GALNT13: variants seen among roughly 807,000 people sequenced by gnomAD.
GALNT13 encodes the protein UDP-GalNAc:polypeptide N-acetylgalactosaminyltransferase 13.
A neutral mutation model predicts 64.2 loss-of-function variants in GALNT13; 28 were observed. The ratio of observed to expected loss-of-function variants is 0.44; its 90% CI spans 0.32 to 0.60. GALNT13 has a LOEUF of 0.60. Among genes scored for constraint, GALNT13 ranks in the 20% least tolerant of loss-of-function variants. The pLI, the probability that GALNT13 is intolerant of heterozygous loss-of-function variation, is 0.05. For synonymous variants in GALNT13, 214 were observed against 224.6 expected (o/e 0.95, Z 0.42); for missense variants, 577 against 669.8 (o/e 0.86, Z 1.53).
intron 3 of GALNT13, among the ~76,000 whole-genome samples, chr2:154,015,036 G>A (rs1374263422): frequency 6.6e-6 from 1 of 151,970 alleles, no homozygotes; most frequent in Non-Finnish European, 1.5e-5. Flanking sequence ...AACAAAACAT[G>A]CATATTATCT....
At chr2:154,339,484 C>G (rs1474040459) in intron 9 of GALNT13, among the ~76,000 whole-genome samples, 1 of 151,942 alleles carries the variant, frequency 6.6e-6, no homozygotes, top group Non-Finnish European at 1.5e-5. Flanking sequence ...ACTGTGTTGG[C>G]CAAATGTGAT....
the GALNT13 span, among the ~76,000 whole-genome samples, chr2:153,165,499 G>A: frequency 8.5e-5 from 13 of 152,208 alleles, no homozygotes; most frequent in African/African-American, 2.4e-4. Flanking sequence ...TTAGTCTTAC[G>A]AAAAAGCAAA....
At chr2:154,327,201 C>T (rs149003659) in intron 9 of GALNT13, among the ~76,000 whole-genome samples, 111 of 152,174 alleles carry the variant, frequency 7.3e-4, no homozygotes, top group African/African-American at 2.2e-3. Context: ...CTTTGTTCGG[C>T]ATTTCTCCTT....
chr2:153,408,419 A>C, the GALNT13 span, among the ~76,000 whole-genome samples: 1 of 152,210 alleles, frequency 6.6e-6, no homozygotes, highest in African/African-American at 2.4e-5. Flanking sequence ...CCCACGAAGA[A>C]GTATAGAAGG....
the GALNT13 span, among the ~76,000 whole-genome samples, chr2:153,306,820 C>A: frequency 6.6e-6 from 1 of 152,138 alleles, no homozygotes; most frequent in Non-Finnish European, 1.5e-5. Flanking sequence ...GTGGCGTGAT[C>A]TCTGCTTCCT....
intron 1 of GALNT13, among the ~76,000 whole-genome samples, chr2:153,877,907 A>G (rs1166093140): frequency 6.6e-6 from 1 of 152,178 alleles, no homozygotes; most frequent in Admixed American, 6.5e-5. Flanking sequence ...TTATCTTTAT[A>G]ACAACAATAT....
At chr2:153,966,034 G>A (rs1693310061) in intron 3 of GALNT13, among the ~76,000 whole-genome samples, 1 of 151,886 alleles carries the variant, frequency 6.6e-6, no homozygotes, top group Non-Finnish European at 1.5e-5. Flanking sequence ...TTGCCAGTGA[G>A]TTTTATACTT....
chr2:154,212,523 C>T (rs903401741), intron 4 of GALNT13, among the ~76,000 whole-genome samples: 8 of 152,086 alleles, frequency 5.3e-5, no homozygotes, highest in Admixed American at 2.0e-4. Context: ...GGATTACAAG[C>T]GTGAGCCACT....
the GALNT13 span, among the ~76,000 whole-genome samples, chr2:153,564,073 C>T: frequency 6.6e-5 from 10 of 152,048 alleles, no homozygotes; most frequent in African/African-American, 2.4e-4. Flanking sequence ...TCTACCCTAC[C>T]CTATCTTTGT....
the GALNT13 span, among the ~76,000 whole-genome samples, chr2:153,391,235 G>A: frequency 1.3e-5 from 2 of 152,040 alleles, no homozygotes; most frequent in South Asian, 4.1e-4. Context: ...GTGTTTAATA[G>A]TGTCACTCTG....
chr2:153,567,057 C>T, the GALNT13 span, among the ~76,000 whole-genome samples: 1 of 152,140 alleles, frequency 6.6e-6, no homozygotes, highest in Non-Finnish European at 1.5e-5. Flanking sequence ...TATTGGTTGA[C>T]TCTTTTGCTT....
chr2:153,719,285 C>A, the GALNT13 span, among the ~76,000 whole-genome samples: 1 of 152,144 alleles, frequency 6.6e-6, no homozygotes, highest in Non-Finnish European at 1.5e-5. Context: ...CTTAACTTAT[C>A]TATAGTCCCC....
chr2:153,340,339 C>CT, the GALNT13 span, among the ~76,000 whole-genome samples: 4 of 152,084 alleles, frequency 2.6e-5, no homozygotes, highest in African/African-American at 9.7e-5. Flanking sequence ...CTGGATAGGA[C>CT]TTCTAGTACT....
intron 4 of GALNT13, among the ~76,000 whole-genome samples, chr2:154,189,492 AAAG>A (rs1321934199): frequency 6.6e-6 from 1 of 151,288 alleles, no homozygotes; most frequent in Non-Finnish European, 1.5e-5. Flanking sequence ...AAAAAAAAAA[AAAG>A]GCGTGTGAGC....
At chr2:154,075,809 G>A (rs1427347159) in intron 3 of GALNT13, among the ~76,000 whole-genome samples, 1 of 151,006 alleles carries the variant, frequency 6.6e-6, no homozygotes, top group Non-Finnish European at 1.5e-5. Context: ...AACTAACTTT[G>A]CATTGTTTCA....
chr2:154,358,835 T>C (rs1696899440), intron 9 of GALNT13, among the ~76,000 whole-genome samples: 1 of 152,106 alleles, frequency 6.6e-6, no homozygotes, highest in South Asian at 2.1e-4. Context: ...AAGAAATGTG[T>C]GACTTGCATT....
chr2:153,619,665 G>T, the GALNT13 span, among the ~76,000 whole-genome samples: 1 of 151,954 alleles, frequency 6.6e-6, no homozygotes, highest in Non-Finnish European at 1.5e-5. Flanking sequence ...TGTTTGTCTG[G>T]GAATGTCTTT....
chr2:153,252,025 A>G, the GALNT13 span, among the ~76,000 whole-genome samples: 1 of 151,550 alleles, frequency 6.6e-6, no homozygotes, highest in Admixed American at 6.6e-5. Flanking sequence ...TTCTAGTTCT[A>G]GATCCCTGAG....
the GALNT13 span, among the ~76,000 whole-genome samples, chr2:153,645,273 C>T: frequency 2.0e-5 from 3 of 152,080 alleles, no homozygotes; most frequent in Non-Finnish European, 4.4e-5. Context: ...TAAAATTTAA[C>T]GACCTTTTAA....
Sources: gnomAD v4.1 joint callset for allele counts (sites outside exome capture counted in the v4.1 genomes callset) on GRCh38, gnomAD v4.1.1 for gene constraint, MANE v1.5 for transcripts, NCBI Gene and HGNC (gene_info 2026-07-23, HGNC 2026-07-21) for gene names.